The following DPYS variants were observed in gnomAD, a reference collection of about 807,000 sequenced individuals.
DPYS encodes the protein dihydropyrimidinase.
A neutral mutation model predicts 50.3 loss-of-function variants in DPYS; 39 were observed. The observed-to-expected ratio is 0.78, with a 90% CI of 0.60 to 1.01. The LOEUF (loss-of-function observed/expected upper bound fraction) is 1.01. Ranked by LOEUF, DPYS falls within the 50% of genes least tolerant of loss-of-function variation. The pLI is 0.00. For synonymous variants in DPYS, 245 were observed against 250.7 expected, an observed-to-expected ratio of 0.98 and a Z score of 0.22; for missense variants, 659 against 680.9, an observed-to-expected ratio of 0.97 and a Z score of 0.36.
chr8:104,439,007 T>C (rs1297256052), intron 4 of DPYS, among the ~76,000 whole-genome samples: 2 of 151,724 alleles, frequency 1.3e-5, no homozygotes, highest in East Asian at 3.9e-4. Flanking sequence ...AAATTGAGGC[T>C]ACAGTGACCT....
At chr8:104,409,476 A>C (rs114790462) in intron 7 of DPYS, among the ~76,000 whole-genome samples, 1,767 of 152,180 alleles carry the variant, frequency 0.012, 21 homozygotes, top group Non-Finnish European at 0.017. Flanking sequence ...CAGAGAAATA[A>C]ATTAATTAAT....
chr8:104,449,914 T>G (rs1383411746), intron 2 of DPYS, among the ~76,000 whole-genome samples: 2 of 152,304 alleles, frequency 1.3e-5, no homozygotes, highest in African/African-American at 4.8e-5. Flanking sequence ...CCATTCTGTT[T>G]GTCGTACATT....
At chr8:104,441,558 T>G (rs1411293196) in intron 4 of DPYS, among the ~76,000 whole-genome samples, 1 of 152,168 alleles carries the variant, frequency 6.6e-6, no homozygotes, top group Non-Finnish European at 1.5e-5. Context: ...TAATGTGATG[T>G]GAGAAGATCT....
At chr8:104,398,919 C>T (rs554994567) in intron 7 of DPYS, among the ~76,000 whole-genome samples, 153 of 152,328 alleles carry the variant, frequency 1.0e-3, no homozygotes, top group African/African-American at 3.3e-3. Flanking sequence ...CACATAACCT[C>T]CCCTGCAGAG....
intron 7 of DPYS, chr8:104,419,902 G>C (rs1320699064): frequency 6.6e-6 from 1 of 152,186 alleles, no homozygotes; most frequent in Non-Finnish European, 1.5e-5. Flanking sequence ...ATCAATATTG[G>C]ATCATTAATT....
chr8:104,405,541 C>T lies in DPYS; in HGVS notation c.1236-12550G>A, dbSNP rs920401154. Among the ~76,000 whole-genome samples the T allele has an allele frequency of 2.6e-5, 4 of 152,360 alleles. 1 individual carries two copies. In the South Asian group the frequency reaches 8.3e-4, roughly 32 times the overall value. ...GGTGCATGCTAACATTTCATTGACACTCCTGAAATAAAGCATCTTGGAGGC... is the reference window on the plus strand; with the variant it reads ...GGTGCATGCTAACATTTCATTGACATTCCTGAAATAAAGCATCTTGGAGGC... On this transcript the variant is annotated intron_variant, in intron 7 of 9. Transcript: ENST00000351513.
At chr8:104,432,709 A>G (rs1812996241) in intron 4 of DPYS, among the ~76,000 whole-genome samples, 1 of 152,214 alleles carries the variant, frequency 6.6e-6, no homozygotes, top group South Asian at 2.1e-4. Flanking sequence ...AGCTGGTGAC[A>G]TTGTACAAGG....
At chr8:104,405,481 G>C (rs1009000974) in intron 7 of DPYS, among the ~76,000 whole-genome samples, 1 of 152,196 alleles carries the variant, frequency 6.6e-6, no homozygotes, top group Non-Finnish European at 1.5e-5. Flanking sequence ...ATCTGGGTGA[G>C]AACTTGGTGA....
At chr8:104,404,279 C>T (rs865806483) in intron 7 of DPYS, among the ~76,000 whole-genome samples, 3 of 152,132 alleles carry the variant, frequency 2.0e-5, no homozygotes, top group Non-Finnish European at 2.9e-5. Flanking sequence ...TGAACCTCAA[C>T]GCAGGGTCTG....
intron 8 of DPYS, among the ~76,000 whole-genome samples, chr8:104,390,508 T>C (rs1322868425): frequency 6.6e-6 from 1 of 151,770 alleles, no homozygotes; most frequent in African/African-American, 2.4e-5. Context: ...ACTTTTTTTT[T>C]TTTTTTTAAG....
chr8:104,447,893 T>C (rs1813593806), intron 2 of DPYS, among the ~76,000 whole-genome samples: 2 of 152,154 alleles, frequency 1.3e-5, no homozygotes, highest in Admixed American at 6.5e-5. Flanking sequence ...TAATGTGAGG[T>C]AAGGATTCAG....
At position 104,444,235 on chromosome 8, in the gene DPYS, A is replaced by T; in HGVS notation, c.793+13T>A. On this transcript the variant is annotated intron_variant, in intron 4 of 9. Transcript: ENST00000351513. Reference sequence around the variant, plus strand: ...AACACTGAGTTCTAAGTGAGGTTACATTCGAGAATTACCATCTCTCCTTGC... The same window carrying T: ...AACACTGAGTTCTAAGTGAGGTTACTTTCGAGAATTACCATCTCTCCTTGC... The T allele has an allele frequency of 6.2e-7, 1 of 1,614,034 alleles. No homozygotes were observed. The highest frequency in any genetic ancestry group is 2.2e-5 in the East Asian group (1 of 44,894).
At chr8:104,421,150 A>G (rs1353239816) in intron 7 of DPYS, 2 of 152,192 alleles carry the variant, frequency 1.3e-5, no homozygotes, top group African/African-American at 2.4e-5. Context: ...CGAGGTGTAC[A>G]CAATCAGCAG....
intron 1 of DPYS, among the ~76,000 whole-genome samples, chr8:104,460,155 G>T (rs1203105929): frequency 6.6e-6 from 1 of 152,186 alleles, no homozygotes; most frequent in Non-Finnish European, 1.5e-5. Flanking sequence ...CCTGAGAGAA[G>T]CATCATGGAA....
chr8:104,405,344 C>G (rs1470992574), intron 7 of DPYS, among the ~76,000 whole-genome samples: 1 of 152,222 alleles, frequency 6.6e-6, no homozygotes, highest in Non-Finnish European at 1.5e-5. Flanking sequence ...TGACCCCACT[C>G]TATTCTCCTG....
Position 104,466,901 on chromosome 8 carries a change from A to T in DPYS, c.20T>A (p.Leu7His). ...GACCACGCGACCCCCGCGGATCAGG[A>T]GCCGCGAGGGCGCCGCCATAGCGAG... MAAPSR[L>H]LIRGGRVVND... The change falls in exon 1 of 10, where the codon CTC becomes CAC. Residue 7 changes from leucine (L) to histidine (H), a missense_variant. Coordinates refer to ENST00000351513, the MANE Select transcript of DPYS (RefSeq NM_001385.3). The T allele has an allele frequency of 6.7e-7, 1 of 1,501,340 alleles. No homozygotes were observed. Among genetic ancestry groups the T allele is most frequent in the Non-Finnish European group, 8.8e-7 (1 of 1,131,822 alleles). The allele number at this position is 1,501,340 out of a possible 1,614,324, so 93.0% of individuals were successfully genotyped here.
chr8:104,408,129 T>C (rs1288088867), intron 7 of DPYS, among the ~76,000 whole-genome samples: 1 of 152,280 alleles, frequency 6.6e-6, no homozygotes, highest in South Asian at 2.1e-4. Context: ...GCTCACACCC[T>C]AGCCATGCTA....
intron 3 of DPYS, 129 bp downstream of exon 3, chr8:104,447,195 G>A (rs571739432): frequency 7.0e-5 from 87 of 1,244,286 alleles, no homozygotes; most frequent in Non-Finnish European, 8.9e-5. Context: ...TCCGAGCCAC[G>A]GAAAATCCAT....
intron 8 of DPYS, among the ~76,000 whole-genome samples, chr8:104,382,387 T>C (rs1030097762): frequency 1.2e-4 from 19 of 152,152 alleles, no homozygotes; most frequent in African/African-American, 4.3e-4. Context: ...ACTCAGTCTT[T>C]GAGCCCTGTT....
Sources: gnomAD v4.1 joint callset for allele counts (sites outside exome capture counted in the v4.1 genomes callset) on GRCh38, gnomAD v4.1.1 for gene constraint, MANE v1.5 for transcripts, NCBI Gene and HGNC (gene_info 2026-07-23, HGNC 2026-07-21) for gene names.